CCDC85A: variants seen among roughly 807,000 people sequenced by gnomAD.
The protein encoded by CCDC85A is coiled-coil domain-containing protein 85A.
In CCDC85A, 38 loss-of-function variants were observed where a neutral mutation model predicts 50.2. The observed-to-expected ratio is 0.76, with a 90% CI of 0.58 to 0.99. The LOEUF is 0.99. Among genes scored for constraint, CCDC85A ranks in the 50% least tolerant of loss-of-function variants. The probability of loss-of-function intolerance (pLI) is 0.00; values close to 1 mark genes in which losing one functional copy is unlikely to be tolerated. For missense variants in CCDC85A, 820 were observed against 742.0 expected, an observed-to-expected ratio of 1.11 and a Z score of -1.22; for synonymous variants, 366 against 301.4, an observed-to-expected ratio of 1.21 and a Z score of -2.22.
chr2:56,261,979 T>G (rs1182356580), intron 2 of CCDC85A, among the ~76,000 whole-genome samples: 2 of 152,206 alleles, frequency 1.3e-5, no homozygotes, highest in Non-Finnish European at 2.9e-5. Flanking sequence ...AAAGAGCTAA[T>G]GAAAGGCATG....
chr2:56,193,371 G>C lies in CCDC85A; in HGVS notation c.1171G>C (p.Gly391Arg). The C allele has an allele frequency of 6.2e-7, 1 of 1,611,458 alleles. No homozygotes were observed. Among genetic ancestry groups the C allele is most frequent in the Non-Finnish European group, 8.5e-7 (1 of 1,178,730 alleles). Reference protein sequence around the residue: ...SGGSGGGSREGTLRRQAQEDG... With the variant: ...SGGSGGGSRERTLRRQAQEDG... The stretch of plus-strand genomic sequence containing the variant: ...AGGCAGCGGCGGAGGCAGCAGGGAG[G>C]GCACCCTCAGACGGCAGGCACAGGA... Residue 391 changes from glycine (G) to arginine (R), a missense_variant, in exon 2 of 6, where the codon GGC becomes CGC. By Grantham distance (125) the Gly-to-Arg change is moderately radical. Transcript: ENST00000407595.
intron 2 of CCDC85A, among the ~76,000 whole-genome samples, chr2:56,329,422 G>C (rs1673646595): frequency 6.6e-6 from 1 of 152,154 alleles, no homozygotes; most frequent in African/African-American, 2.4e-5. Context: ...CTAGCACATA[G>C]TTAGTACTTA....
intron 1 of CCDC85A, among the ~76,000 whole-genome samples, chr2:56,188,731 T>G (rs932782654): frequency 1.4e-4 from 22 of 152,262 alleles, no homozygotes; most frequent in Middle Eastern, 3.2e-3. Context: ...GGCTCTGACA[T>G]AGCTAGTGCT....
intron 2 of CCDC85A, among the ~76,000 whole-genome samples, chr2:56,333,715 G>T (rs1430924248): frequency 2.6e-5 from 4 of 152,036 alleles, no homozygotes; most frequent in South Asian, 2.1e-4. Flanking sequence ...TGGAGGTAGG[G>T]TCAAAAAAAA....
intron 2 of CCDC85A, among the ~76,000 whole-genome samples, chr2:56,199,923 C>T (rs745495256): frequency 6.6e-6 from 1 of 152,182 alleles, no homozygotes; most frequent in African/African-American, 2.4e-5. Context: ...GGCTGCAGTG[C>T]GGTGGCGCAG....
intron 2 of CCDC85A, among the ~76,000 whole-genome samples, chr2:56,312,977 G>C (rs1001309196): frequency 6.6e-6 from 1 of 152,132 alleles, no homozygotes; most frequent in Admixed American, 6.6e-5. Context: ...TTTTAAAAAT[G>C]CTTCTATATG....
intron 2 of CCDC85A, among the ~76,000 whole-genome samples, chr2:56,317,923 T>C (rs1672994729): frequency 6.6e-6 from 1 of 152,090 alleles, no homozygotes. Flanking sequence ...CCACAGAGTA[T>C]CCAAAATCCA....
intron 3 of CCDC85A, among the ~76,000 whole-genome samples, chr2:56,343,816 G>T (rs1674494084): frequency 6.6e-6 from 1 of 152,184 alleles, no homozygotes; most frequent in South Asian, 2.1e-4. Context: ...CTAGTAAGCA[G>T]TAGTTTAAAT....
chr2:56,305,557 AG>A (rs932858304), intron 2 of CCDC85A, among the ~76,000 whole-genome samples: 1 of 152,236 alleles, frequency 6.6e-6, no homozygotes, highest in African/African-American at 2.4e-5. Flanking sequence ...TCAGAAGGCA[AG>A]GGCACAGCCC....
At chr2:56,232,755 C>A (rs896471480) in intron 2 of CCDC85A, among the ~76,000 whole-genome samples, 1 of 152,148 alleles carries the variant, frequency 6.6e-6, no homozygotes, top group Non-Finnish European at 1.5e-5. Flanking sequence ...ACATCCAGGT[C>A]ATTCCCATAT....
rs978473584 is a variant in CCDC85A at position 56,386,125 on chromosome 2, T to C, written c.*1770T>C. On this transcript the variant is annotated 3_prime_UTR_variant, in exon 6 of 6. Transcript: ENST00000407595. ...TAAAGTTCTGCATAAAATTGAGTAT[T>C]AAGTATATGTGTTCATCTTAGCAAT... 4 of 152,278 alleles carry C rather than the reference T, an allele frequency of 2.6e-5. No individual in the cohort carries two copies. The highest frequency in any genetic ancestry group is 9.7e-5 in the African/African-American group (4 of 41,424). 9.4% of individuals were successfully genotyped at this position (152,278 alleles called of 1,614,324 possible). A position where few individuals can be genotyped will look rare whatever the true frequency, so the allele number is the denominator to read the frequency against.
At chr2:56,335,010 C>T (rs1262992120) in intron 2 of CCDC85A, among the ~76,000 whole-genome samples, 1 of 152,034 alleles carries the variant, frequency 6.6e-6, no homozygotes. Context: ...TTATTTAGGG[C>T]AATTAAAGCC....
intron 2 of CCDC85A, among the ~76,000 whole-genome samples, chr2:56,310,091 C>G (rs1372120701): frequency 1.3e-5 from 2 of 152,146 alleles, no homozygotes; most frequent in African/African-American, 2.4e-5. Context: ...TTCTCCAGGT[C>G]TCGTCCAACT....
chr2:56,306,503 A>G (rs529144478), intron 2 of CCDC85A, among the ~76,000 whole-genome samples: 1 of 152,322 alleles, frequency 6.6e-6, no homozygotes, highest in African/African-American at 2.4e-5. Context: ...TTTAACTCAC[A>G]TTATATAACT....
At chr2:56,373,743 T>G (rs1031343785) in intron 4 of CCDC85A, among the ~76,000 whole-genome samples, 1 of 152,194 alleles carries the variant, frequency 6.6e-6, no homozygotes, top group African/African-American at 2.4e-5. Context: ...ACTGCAATGG[T>G]GGGTCCTAAA....
chr2:56,383,604 G>A, intron 5 of CCDC85A: 1 of 985,070 alleles, frequency 1.0e-6, no homozygotes, highest in South Asian at 4.7e-5. Flanking sequence ...ACATTTGGAT[G>A]CTTTGTGTTT....
chr2:56,226,261 C>T (rs1278873763), intron 2 of CCDC85A, among the ~76,000 whole-genome samples: 2 of 152,106 alleles, frequency 1.3e-5, no homozygotes, highest in African/African-American at 4.8e-5. Flanking sequence ...TATAATAAAC[C>T]TTGGAGCATC....
chr2:56,241,834 G>T (rs529632736), intron 2 of CCDC85A, among the ~76,000 whole-genome samples: 2 of 152,136 alleles, frequency 1.3e-5, no homozygotes, highest in South Asian at 4.2e-4. Context: ...CTTTTTTTGG[G>T]TATATGCCTA....
At chr2:56,308,838 A>T (rs1056791307) in intron 2 of CCDC85A, among the ~76,000 whole-genome samples, 1 of 152,206 alleles carries the variant, frequency 6.6e-6, no homozygotes, top group Non-Finnish European at 1.5e-5. Context: ...ACATAGACTT[A>T]GGATTGAATC....
Sources: gnomAD v4.1 joint callset for allele counts (sites outside exome capture counted in the v4.1 genomes callset) on GRCh38, gnomAD v4.1.1 for gene constraint, MANE v1.5 for transcripts, NCBI Gene and HGNC (gene_info 2026-07-23, HGNC 2026-07-21) for gene names.